The following CLSTN2 variants were observed in gnomAD, a reference collection of about 807,000 sequenced individuals.
CLSTN2 encodes the protein calsyntenin-2.
Under a neutral mutation model 101.2 loss-of-function variants are expected in CLSTN2, and 48 were observed. That is an observed-to-expected ratio of 0.47 (90% confidence interval 0.38 to 0.60). CLSTN2 has a LOEUF of 0.60. Ranked by LOEUF, CLSTN2 falls within the 20% of genes least tolerant of loss-of-function variation. The pLI, the probability that CLSTN2 is intolerant of heterozygous loss-of-function variation, is 0.00. For missense variants in CLSTN2, 1,160 were observed against 1,238.2 expected, an observed-to-expected ratio of 0.94 and a Z score of 0.95; for synonymous variants, 481 against 463.6, an observed-to-expected ratio of 1.04 and a Z score of -0.48.
intron 5 of CLSTN2, among the ~76,000 whole-genome samples, chr3:140,448,220 TG>T (rs1933141286): frequency 2.0e-5 from 1 of 50,930 alleles, no homozygotes; most frequent in Non-Finnish European, 3.6e-5. Flanking sequence ...TGTGTGTGTG[TG>T]TGTGTGTGTG....
At chr3:140,557,409 C>G (rs1935821054) in intron 11 of CLSTN2, among the ~76,000 whole-genome samples, 1 of 152,212 alleles carries the variant, frequency 6.6e-6, no homozygotes, top group Non-Finnish European at 1.5e-5. Flanking sequence ...TTCAATAGTT[C>G]TAGAACAATG....
intron 2 of CLSTN2, among the ~76,000 whole-genome samples, chr3:140,222,254 A>G (rs912350660): frequency 5.9e-5 from 9 of 152,274 alleles, no homozygotes; most frequent in East Asian, 1.9e-4. Flanking sequence ...CTTATTAGTA[A>G]GAGCTAAAAA....
At chr3:140,023,658 G>A (rs2007362674) in intron 1 of CLSTN2, among the ~76,000 whole-genome samples, 1 of 152,158 alleles carries the variant, frequency 6.6e-6, no homozygotes. Context: ...CACCTCTACT[G>A]CCCCAGGAGG....
intron 10 of CLSTN2, 39 bp from the exon 11 acceptor site, chr3:140,556,474 T>G: frequency 6.2e-7 from 1 of 1,610,638 alleles, no homozygotes; most frequent in Non-Finnish European, 8.5e-7. Flanking sequence ...TGTACATCAC[T>G]GACCATTCTC....
At position 140,566,474 on chromosome 3, in the gene CLSTN2, A is replaced by C; in HGVS notation, c.*221A>C. 1.7e-6 allele frequency: 1 copy of C among 582,268 alleles called. No homozygotes were observed. The highest frequency in any genetic ancestry group is 3.1e-6 in the Non-Finnish European group (1 of 326,268). The allele number at this position is 582,268 out of a possible 1,614,324, so 36.1% of individuals were successfully genotyped here. ...TGGCCATCAGTGAGGACTTCAGGGT[A>C]GACTTTGTCCTGTAGCCTCCACTTC... On this transcript the variant is annotated 3_prime_UTR_variant, in exon 17 of 17. Coordinates refer to ENST00000458420, the MANE Select transcript of CLSTN2 (RefSeq NM_022131.3).
rs1286752502 is a variant in CLSTN2, at chr3:140,569,932, G to A, written c.*3679G>A. 1 of 152,104 alleles carries A rather than the reference G, an allele frequency of 6.6e-6. No homozygotes were observed. Among genetic ancestry groups the A allele is most frequent in the Non-Finnish European group, 1.5e-5 (1 of 68,042 alleles). 9.4% of individuals were successfully genotyped at this position (152,104 alleles called of 1,614,324 possible). ...GATCTCAGGTGATCTGCCCACCTTG[G>A]CCTCCAAGGTAATGAGATTATAGGA... On this transcript the variant is annotated 3_prime_UTR_variant, in exon 17 of 17. Transcript: ENST00000458420.
At chr3:140,541,016 C>T (rs1363263772) in intron 9 of CLSTN2, among the ~76,000 whole-genome samples, 1 of 152,234 alleles carries the variant, frequency 6.6e-6, no homozygotes, top group Non-Finnish European at 1.5e-5. Context: ...CTGGGAGTTG[C>T]TGCTGAAGCC....
chr3:140,560,782 C>A (rs1020458518), intron 12 of CLSTN2, among the ~76,000 whole-genome samples: 22 of 152,128 alleles, frequency 1.4e-4, no homozygotes, highest in African/African-American at 5.1e-4. Context: ...GAGGTAGGAA[C>A]AAGGACGATA....
At chr3:140,201,263 T>C (rs1472903998) in intron 2 of CLSTN2, among the ~76,000 whole-genome samples, 1 of 152,046 alleles carries the variant, frequency 6.6e-6, no homozygotes, top group African/African-American at 2.4e-5. Flanking sequence ...AAATAGCCAT[T>C]GGGAGATGAC....
intron 2 of CLSTN2, among the ~76,000 whole-genome samples, chr3:140,366,380 A>G (rs1031812040): frequency 3.9e-5 from 6 of 152,252 alleles, no homozygotes; most frequent in African/African-American, 1.2e-4. Flanking sequence ...GACAGGAGAC[A>G]GGATCTCTTC....
rs959460958 is a variant in CLSTN2, at chr3:139,935,371, G to T, written c.-4G>T. The T allele has an allele frequency of 2.4e-6, 3 of 1,226,772 alleles. No individual in the cohort carries two copies. Among genetic ancestry groups the T allele is most frequent in the Non-Finnish European group, 3.0e-6 (3 of 984,098 alleles). 76.0% of individuals were successfully genotyped at this position (1,226,772 alleles called of 1,614,324 possible). On this transcript the variant is annotated 5_prime_UTR_variant, in exon 1 of 17. Transcript: ENST00000458420. The surrounding 1 kb of genome is among the most constrained non-coding windows in gnomAD (Gnocchi z 5.5). ...GCTGCAGCTCGTTGGCGGCTGCTGC[G>T]AGGATGCTGCCTGGGCGGCTGTGCT...
At chr3:140,076,720 C>T (rs1318110013) in intron 1 of CLSTN2, among the ~76,000 whole-genome samples, 2 of 143,158 alleles carry the variant, frequency 1.4e-5, no homozygotes. Flanking sequence ...ACTGTGCTGC[C>T]TAGGAACTCT....
chr3:140,302,286 G>A (rs2087067723), intron 2 of CLSTN2, among the ~76,000 whole-genome samples: 1 of 152,116 alleles, frequency 6.6e-6, no homozygotes. Flanking sequence ...CTGTAATGCT[G>A]GAGACCACTT....
Position 139,969,461 on chromosome 3 carries a change from A to G in CLSTN2, c.109+33978A>G, listed in dbSNP as rs377655831. Among the ~76,000 whole-genome samples, 6 of 152,212 alleles carry G rather than the reference A, an allele frequency of 3.9e-5. No individual in the cohort carries two copies. In the South Asian group the frequency reaches 8.3e-4, roughly 21 times the overall value. Reference sequence around the variant, plus strand: ...GTGCCACAGCTAGAAGACTCTTCCTAGAGTTTATGCACAATCTTGTCACTG... The same window carrying G: ...GTGCCACAGCTAGAAGACTCTTCCTGGAGTTTATGCACAATCTTGTCACTG... On this transcript the variant is annotated intron_variant, in intron 1 of 16. Coordinates refer to ENST00000458420, the MANE Select transcript of CLSTN2 (RefSeq NM_022131.3).
At chr3:140,362,014 AT>A (rs1165824888) in intron 2 of CLSTN2, among the ~76,000 whole-genome samples, 5 of 152,186 alleles carry the variant, frequency 3.3e-5, no homozygotes, top group African/African-American at 1.2e-4. Flanking sequence ...CTCCAGAACA[AT>A]TTTGAAAAGG....
chr3:140,017,063 T>C (rs2007217199), intron 1 of CLSTN2, among the ~76,000 whole-genome samples: 1 of 152,112 alleles, frequency 6.6e-6, no homozygotes, highest in Non-Finnish European at 1.5e-5. Flanking sequence ...GCAGTTAGAG[T>C]GCTCTTTCAT....
At chr3:140,097,074 C>A (rs954955107) in intron 1 of CLSTN2, among the ~76,000 whole-genome samples, 3 of 152,060 alleles carry the variant, frequency 2.0e-5, no homozygotes, top group Non-Finnish European at 4.4e-5. Context: ...CTCTCCCAGC[C>A]CCAATATTGG....
chr3:140,240,853 G>C (rs1313090241), intron 2 of CLSTN2, among the ~76,000 whole-genome samples: 1 of 152,110 alleles, frequency 6.6e-6, no homozygotes, highest in African/African-American at 2.4e-5. Context: ...GGCACTACTA[G>C]GGTCCCTGCC....
intron 1 of CLSTN2, among the ~76,000 whole-genome samples, chr3:140,099,590 C>T (rs985449414): frequency 2.6e-5 from 4 of 152,096 alleles, no homozygotes; most frequent in Admixed American, 6.5e-5. Flanking sequence ...GTCAGGGGGC[C>T]ACTATTCAAC....
Sources: gnomAD v4.1 joint callset for allele counts (sites outside exome capture counted in the v4.1 genomes callset) on GRCh38, gnomAD v4.1.1 for gene constraint, Gnocchi (gnomAD v3.1) non-coding constraint, MANE v1.5 for transcripts, NCBI Gene and HGNC (gene_info 2026-07-23, HGNC 2026-07-21) for gene names.